The following PCDHA11 variants were observed in gnomAD, a reference collection of about 807,000 sequenced individuals.
The protein encoded by PCDHA11 is protocadherin alpha-11.
In PCDHA11, 61 loss-of-function variants were observed where a neutral mutation model predicts 70.3. The observed-to-expected ratio is 0.87, with a 90% CI of 0.71 to 1.07. The LOEUF (loss-of-function observed/expected upper bound fraction) is 1.07. Ranked by LOEUF, PCDHA11 falls within the 50% of genes least tolerant of loss-of-function variation. The pLI is 0.00. For synonymous variants in PCDHA11, 633 were observed against 555.1 expected, an observed-to-expected ratio of 1.14 and a Z score of -1.97; for missense variants, 1,324 against 1,237.5, an observed-to-expected ratio of 1.07 and a Z score of -1.05.
intron 1 of PCDHA11, chr5:140,927,906 CG>C: frequency 6.2e-7 from 1 of 1,614,180 alleles, no homozygotes. Context: ...ATCATGCCCC[CG>C]AACTGGACTT....
At chr5:140,966,806 C>T in intron 1 of PCDHA11, 1 of 1,546,832 alleles carries the variant, frequency 6.5e-7, no homozygotes, top group Non-Finnish European at 8.7e-7. Context: ...GACAGAGCAT[C>T]CACGGCTCCG....
At chr5:140,981,332 G>A (rs1407839547) in intron 2 of PCDHA11, among the ~76,000 whole-genome samples, 1 of 152,182 alleles carries the variant, frequency 6.6e-6, no homozygotes, top group Non-Finnish European at 1.5e-5. Context: ...CCAGCACTTT[G>A]GGAGGGTGAG....
chr5:140,974,577 T>C (rs2096632640), intron 1 of PCDHA11, among the ~76,000 whole-genome samples: 1 of 152,200 alleles, frequency 6.6e-6, no homozygotes, highest in South Asian at 2.1e-4. Flanking sequence ...AATGGCATGA[T>C]CTTGGCTCAC....
chr5:141,008,670 A>G (rs1375302412), intron 3 of PCDHA11, among the ~76,000 whole-genome samples: 1 of 152,218 alleles, frequency 6.6e-6, no homozygotes, highest in Non-Finnish European at 1.5e-5. Flanking sequence ...TACTTTACAT[A>G]TACTTTAGTT....
At chr5:140,953,135 G>C (rs1331167155) in intron 1 of PCDHA11, among the ~76,000 whole-genome samples, 2 of 152,126 alleles carry the variant, frequency 1.3e-5, no homozygotes, top group Non-Finnish European at 2.9e-5. Flanking sequence ...CCGTATCACT[G>C]TTATATTTCT....
chr5:140,877,375 C>T (rs782650940), intron 1 of PCDHA11: 4 of 1,614,006 alleles, frequency 2.5e-6, no homozygotes, highest in South Asian at 1.1e-5. Flanking sequence ...CAGCACGACA[C>T]GCATCCTGGA....
At chr5:140,989,747 G>A (rs1554251066) in intron 3 of PCDHA11, among the ~76,000 whole-genome samples, 1 of 152,166 alleles carries the variant, frequency 6.6e-6, no homozygotes, top group African/African-American at 2.4e-5. Flanking sequence ...TGCCTAATCT[G>A]GAGAAACATA....
At chr5:140,984,790 G>A (rs2097121430) in intron 3 of PCDHA11, among the ~76,000 whole-genome samples, 1 of 152,104 alleles carries the variant, frequency 6.6e-6, no homozygotes, top group Admixed American at 6.5e-5. Flanking sequence ...GGTGAGCATA[G>A]ACAAACTGCC....
chr5:140,954,724 C>T (rs2095079319), intron 1 of PCDHA11, among the ~76,000 whole-genome samples: 1 of 152,196 alleles, frequency 6.6e-6, no homozygotes, highest in Admixed American at 6.5e-5. Context: ...TGTAGGTTGT[C>T]TTTTCACTCT....
In PCDHA11 at chr5:140,947,881, A is replaced by G. The variant is rs191017624; in HGVS notation, c.2392-31068A>G. On this transcript the variant is annotated intron_variant, in intron 1 of 3. Transcript: ENST00000398640. ...TATAATGGCTAGGACTTCCAGGACA[A>G]TATAAACAGAAGTGGTGAGAGCAGA... 2.7e-3 allele frequency among the ~76,000 whole-genome samples: 417 copies of G among 151,684 alleles called. 2 individuals carry two copies. Among genetic ancestry groups the G allele is most frequent in the Middle Eastern group, 0.014 (4 of 294 alleles).
chr5:140,896,465 C>T (rs967658819), intron 1 of PCDHA11, among the ~76,000 whole-genome samples: 8 of 151,988 alleles, frequency 5.3e-5, no homozygotes, highest in South Asian at 4.1e-4. Context: ...TGGGTTCAAG[C>T]GGTTCTCCTG....
intron 1 of PCDHA11, among the ~76,000 whole-genome samples, chr5:140,942,993 AT>A (rs1228666837): frequency 3.3e-5 from 5 of 152,166 alleles, no homozygotes; most frequent in African/African-American, 1.2e-4. Context: ...GTGGTGGCTC[AT>A]GCCTGTAATC....
intron 1 of PCDHA11, chr5:140,968,755 A>G: frequency 6.2e-7 from 1 of 1,614,200 alleles, no homozygotes. Flanking sequence ...TGGTGGTCCG[A>G]GATAATGGAG....
At chr5:140,974,721 G>T (rs1033117636) in intron 1 of PCDHA11, among the ~76,000 whole-genome samples, 1 of 152,050 alleles carries the variant, frequency 6.6e-6, no homozygotes, top group Non-Finnish European at 1.5e-5. Context: ...AGCTGCTCTC[G>T]AACTCCTGTC....
chr5:140,886,944 C>A (rs577897989), intron 1 of PCDHA11, among the ~76,000 whole-genome samples: 2 of 152,010 alleles, frequency 1.3e-5, no homozygotes, highest in African/African-American at 4.8e-5. Context: ...ATGTTCTACA[C>A]ATTAGACATT....
At chr5:140,966,232 C>A (rs1353392797) in intron 1 of PCDHA11, 14 of 285,432 alleles carry the variant, frequency 4.9e-5, no homozygotes, top group African/African-American at 2.4e-4. Flanking sequence ...TCCTTAAAGA[C>A]CCGTTAAGCA....
intron 3 of PCDHA11, among the ~76,000 whole-genome samples, chr5:140,997,957 C>T (rs1051643572): frequency 6.6e-5 from 10 of 152,156 alleles, no homozygotes; most frequent in East Asian, 1.9e-4. Context: ...TTGGCATTCA[C>T]GTACCTGTGG....
intron 1 of PCDHA11, among the ~76,000 whole-genome samples, chr5:140,886,356 T>C (rs1457178977): frequency 1.3e-5 from 2 of 152,194 alleles, no homozygotes; most frequent in South Asian, 2.1e-4. Flanking sequence ...GTTTGTTACA[T>C]AGGTGTACAT....
At chr5:140,951,832 C>A (rs2094641157) in intron 1 of PCDHA11, among the ~76,000 whole-genome samples, 1 of 152,142 alleles carries the variant, frequency 6.6e-6, no homozygotes, top group East Asian at 1.9e-4. Context: ...CTCATTCCAG[C>A]ATTAAGCCAA....
Sources: gnomAD v4.1 joint callset for allele counts (sites outside exome capture counted in the v4.1 genomes callset) on GRCh38, gnomAD v4.1.1 for gene constraint, MANE v1.5 for transcripts, NCBI Gene and HGNC (gene_info 2026-07-23, HGNC 2026-07-21) for gene names.